The following CEP57 variants were observed in gnomAD, a reference collection of about 807,000 sequenced individuals.
CEP57 encodes centrosomal protein of 57 kDa.
A neutral mutation model predicts 68.0 loss-of-function variants in CEP57; 40 were observed. The observed-to-expected ratio is 0.59, with a 90% confidence interval of 0.46 to 0.77. CEP57 has a LOEUF of 0.77. Among genes scored for constraint, CEP57 ranks in the 30% least tolerant of loss-of-function variants. The pLI is 0.00. For synonymous variants in CEP57, 219 were observed against 198.7 expected (o/e 1.10, Z -0.86); for missense variants, 606 against 580.7 (o/e 1.04, Z -0.45).
At chr11:95,799,905 A>G (rs1343121387) in intron 2 of CEP57, among the ~76,000 whole-genome samples, 3 of 152,212 alleles carry the variant, frequency 2.0e-5, no homozygotes, top group African/African-American at 7.2e-5. Context: ...TTAATTTTTC[A>G]TAACCTAGAC....
At chr11:95,831,000 C>T in intron 10 of CEP57, 26 bp from the exon 11 acceptor site, 1 of 1,538,492 alleles carries the variant, frequency 6.5e-7, no homozygotes, top group South Asian at 1.1e-5. Context: ...TCTCCTTTTC[C>T]TTCCTGCCTT....
In CEP57 at chr11:95,822,517, T is replaced by G. The variant is rs1173791311; in HGVS notation, c.826T>G (p.Phe276Val). Residue 276 changes from phenylalanine to valine, a missense_variant, in exon 8 of 11, where the codon TTT becomes GTT. Physicochemically the swap from Phe to Val is conservative, Grantham distance 50 (BLOSUM62 -1). Transcript: ENST00000325542. ...CATTCAGAAAAGTTCTAGGAACTATTTTGGTGCACAACCACATTATAGATT... is the reference window on the plus strand; with the variant it reads ...CATTCAGAAAAGTTCTAGGAACTATGTTGGTGCACAACCACATTATAGATT... ...PPEKKSSRNY[F>V]GAQPHYRLCL... is the part of the protein sequence containing the mutation. 10 of 1,613,566 alleles carry G rather than the reference T, an allele frequency of 6.2e-6. No homozygotes were observed. Among genetic ancestry groups the G allele is most frequent in the Non-Finnish European group, 7.6e-6 (9 of 1,179,524 alleles).
chr11:95,814,624 T>C (rs1862223171), intron 4 of CEP57, among the ~76,000 whole-genome samples: 2 of 152,072 alleles, frequency 1.3e-5, no homozygotes, highest in Admixed American at 1.3e-4. Context: ...CCTCCCAGAG[T>C]GCTGGAATTA....
chr11:95,795,225 T>C (rs1349052407), intron 1 of CEP57, among the ~76,000 whole-genome samples: 1 of 152,216 alleles, frequency 6.6e-6, no homozygotes, highest in Non-Finnish European at 1.5e-5. Flanking sequence ...GTCTGAATGT[T>C]ATGTTACTCC....
chr11:95,800,881 C>T (rs542926819), intron 2 of CEP57, among the ~76,000 whole-genome samples: 138 of 152,170 alleles, frequency 9.1e-4, no homozygotes, highest in Non-Finnish European at 1.5e-3. Flanking sequence ...CTACCTCATA[C>T]TTTGTGTGAA....
At chr11:95,822,314 GCCTTTCC>G in intron 7 of CEP57, 178 bp from the exon 8 acceptor site, 2 of 603,818 alleles carry the variant, frequency 3.3e-6, no homozygotes, top group Non-Finnish European at 5.8e-6. Flanking sequence ...TTTCCCCCCA[GCCTTTCC>G]TAGGCTAGGA....
chr11:95,804,955 G>A lies in CEP57; in HGVS notation c.202+5567G>A, dbSNP rs559620446. Among the ~76,000 whole-genome samples, 10 of 152,084 alleles carry A rather than the reference G, an allele frequency of 6.6e-5. No homozygotes were observed. The East Asian group carries it at 1.2e-3, about 18-fold the overall frequency. On this transcript the variant is annotated intron_variant, in intron 2 of 10. Transcript: ENST00000325542. ...GAAAAAGAAAACAATAAAACGTTAC[G>A]CATTTAAACAGGGATATGTAAGCCA... is the stretch of plus-strand genomic sequence containing the variant.
chr11:95,792,914 G>A (rs1408381565), intron 1 of CEP57, among the ~76,000 whole-genome samples: 2 of 140,050 alleles, frequency 1.4e-5, no homozygotes, highest in African/African-American at 5.1e-5. Context: ...TTAACAGTAG[G>A]CAACATTTAA....
Position 95,800,402 on chromosome 11 carries a change from T to C in CEP57, c.202+1014T>C, listed in dbSNP as rs182721837. 1.8e-3 allele frequency among the ~76,000 whole-genome samples: 267 copies of C among 152,014 alleles called. 1 individual carries two copies. Among genetic ancestry groups the C allele is most frequent in the South Asian group, 3.3e-3 (16 of 4,816 alleles). ...ATGTTTCTTTTTTTTTTTTATTTTT[T>C]ATTGTTTTTTTGGAGACAGAGTCTC... is the stretch of plus-strand genomic sequence containing the variant. On this transcript the variant is annotated intron_variant, in intron 2 of 10. Coordinates refer to ENST00000325542, the MANE Select transcript of CEP57 (RefSeq NM_014679.5).
rs1185295732 is a variant in CEP57 at position 95,799,394 on chromosome 11, C to T, written c.202+6C>T. The T allele has an allele frequency of 3.1e-6, 5 of 1,613,570 alleles. No homozygotes were observed. The highest frequency in any genetic ancestry group is 2.2e-5 in the South Asian group (2 of 91,052). On this transcript the variant is annotated splice_donor_region_variant and intron_variant, in intron 2 of 10. Coordinates refer to ENST00000325542, the MANE Select transcript of CEP57 (RefSeq NM_014679.5). The stretch of plus-strand genomic sequence containing the variant: ...TCCAGAAAGCAACAGCAGAGGTAAT[C>T]GAGCCTAACGAAATAAATGTTATTT...
chr11:95,797,581 C>CTA (rs1271777816), intron 1 of CEP57, among the ~76,000 whole-genome samples: 3 of 152,056 alleles, frequency 2.0e-5, no homozygotes, highest in African/African-American at 7.3e-5. Flanking sequence ...CTTCATCAGC[C>CTA]TAACAAGGAT....
chr11:95,823,418 C>A (rs1415089995), intron 8 of CEP57, among the ~76,000 whole-genome samples: 1 of 151,184 alleles, frequency 6.6e-6, no homozygotes, highest in Non-Finnish European at 1.5e-5. Context: ...AGATTTTTGG[C>A]AATTTGAAAA....
chr11:95,830,945 A>G, intron 10 of CEP57, 81 bp from the exon 11 acceptor site: 1 of 1,026,332 alleles, frequency 9.7e-7, no homozygotes, highest in Non-Finnish European at 1.5e-6. Context: ...AAAAAAAGGT[A>G]CTCTTGTACT....
At position 95,793,233 on chromosome 11, in the gene CEP57, C is replaced by T. The variant is rs114018295; in HGVS notation, c.45+2490C>T. On this transcript the variant is annotated intron_variant, in intron 1 of 10. Transcript: ENST00000325542. ...GAGTGATTGCTCTGGAATTGATAAA[C>T]TTCGACTGGTGGAAAAGGCAGGAAA... is the stretch of plus-strand genomic sequence containing the variant. 3.1e-3 allele frequency among the ~76,000 whole-genome samples: 470 copies of T among 152,268 alleles called. 4 individuals carry two copies. Among genetic ancestry groups the T allele is most frequent in the African/African-American group, 0.011 (450 of 41,538 alleles).
intron 9 of CEP57, 25 bp downstream of exon 9, chr11:95,828,052 A>G (rs1371308981): frequency 6.2e-7 from 1 of 1,602,704 alleles, no homozygotes; most frequent in Non-Finnish European, 8.5e-7. Context: ...TTTTTTTTAA[A>G]TTCAGTTTAG....
rs759859218 is a variant in CEP57, at chr11:95,831,356, TAA to T, written c.*101_*102del. ...GTCTCATACTCACTTATGTTGGAATTAATTAATAGCAGGTGTTAAAGGACCCA... is the reference window on the plus strand; with the variant it reads ...GTCTCATACTCACTTATGTTGGAATTTTAATAGCAGGTGTTAAAGGACCCA... On this transcript the variant is annotated 3_prime_UTR_variant, in exon 11 of 11. Transcript: ENST00000325542. 526 of 862,488 alleles carry T rather than the reference TAA, an allele frequency of 6.1e-4. 1 individual carries two copies. Among genetic ancestry groups the T allele is most frequent in the South Asian group, 4.1e-3 (276 of 67,322 alleles). 53.4% of individuals were successfully genotyped at this position (862,488 alleles called of 1,614,324 possible).
chr11:95,799,292 T>C lies in CEP57; in HGVS notation c.106T>C (p.Tyr36His), dbSNP rs1861474227. ...GSMVRHSSSP[Y>H]VVYPSDKPFL... The stretch of plus-strand genomic sequence containing the variant: ...CATGGTTCGGCATTCTTCATCTCCA[T>C]ATGTAGTATATCCTTCGGATAAGCC... The change falls in exon 2 of 11, where the codon TAT becomes CAT. Residue 36 changes from tyrosine to histidine, a missense_variant. Coordinates refer to ENST00000325542, the MANE Select transcript of CEP57 (RefSeq NM_014679.5). 6.2e-7 allele frequency: 1 copy of C among 1,614,028 alleles called. No homozygotes were observed. Among genetic ancestry groups the C allele is most frequent in the Non-Finnish European group, 8.5e-7 (1 of 1,179,980 alleles).
intron 8 of CEP57, chr11:95,822,963 C>A: frequency 3.8e-6 from 1 of 260,968 alleles, no homozygotes. Flanking sequence ...GCACATTCTG[C>A]TTGTCCTCAC....
chr11:95,794,391 C>A (rs1024543437), intron 1 of CEP57: 2 of 450,226 alleles, frequency 4.4e-6, no homozygotes, highest in Non-Finnish European at 8.9e-6. Context: ...CTCGGTCATA[C>A]TAAATTGTTT....
Sources: gnomAD v4.1 joint callset for allele counts (sites outside exome capture counted in the v4.1 genomes callset) on GRCh38, gnomAD v4.1.1 for gene constraint, MANE v1.5 for transcripts, NCBI Gene and HGNC (gene_info 2026-07-23, HGNC 2026-07-21) for gene names.